VPS39: variants seen among roughly 807,000 people sequenced by gnomAD.
VPS39 encodes the protein vam6/Vps39-like protein.
VPS39 carries 70 observed loss-of-function variants against 121.0 expected under a neutral mutation model. That is an observed-to-expected ratio of 0.58 (90% CI 0.48 to 0.71). The LOEUF (loss-of-function observed/expected upper bound fraction) is 0.71. VPS39 is among the 30% of genes least tolerant of loss of function. The pLI, the probability that VPS39 is intolerant of heterozygous loss-of-function variation, is 0.00. For synonymous variants in VPS39, 378 were observed against 398.1 expected (o/e 0.95, Z 0.60); for missense variants, 818 against 1,051.5 (o/e 0.78, Z 3.07).
At chr15:42,185,332 C>G (rs978758697) in intron 7 of VPS39, among the ~76,000 whole-genome samples, 2 of 152,044 alleles carry the variant, frequency 1.3e-5, no homozygotes, top group African/African-American at 4.8e-5. Flanking sequence ...GCGTGTGCCA[C>G]CACGCCAGGC....
rs1361292559 is a variant in VPS39 at position 42,191,511 on chromosome 15, G to A, written c.189C>T (p.Ser63=). 3 of 1,613,870 alleles carry A rather than the reference G, an allele frequency of 1.9e-6. No homozygotes were observed. The highest frequency in any genetic ancestry group is 2.5e-6 in the Non-Finnish European group (3 of 1,179,976). ...CACTGCTTACCTGCTGAATCTTTTT[G>A]GAGAAGTTCTTATTGGATTTCTCTA... ...VTLEKSNKNF[S]KKIQQIHVVS... The change falls in exon 3 of 25, where the codon TCC becomes TCT. Residue 63 remains serine, a synonymous_variant. Transcript: ENST00000318006.
intron 1 of VPS39, among the ~76,000 whole-genome samples, chr15:42,205,073 T>C (rs1226498728): frequency 6.6e-6 from 1 of 152,148 alleles, no homozygotes; most frequent in African/African-American, 2.4e-5. Context: ...CTAATACAGA[T>C]TAGCATTTAA....
intron 4 of VPS39, among the ~76,000 whole-genome samples, chr15:42,189,685 C>T (rs1228356057): frequency 1.4e-5 from 2 of 142,174 alleles, no homozygotes; most frequent in South Asian, 2.2e-4. Flanking sequence ...GCCAGGGCTG[C>T]ACCACTACAC....
chr15:42,168,779 G>GAT (rs1261738804), intron 12 of VPS39, among the ~76,000 whole-genome samples: 1 of 152,094 alleles, frequency 6.6e-6, no homozygotes, highest in African/African-American at 2.4e-5. Flanking sequence ...CCTGACCTCA[G>GAT]GTGATCTTCT....
intron 5 of VPS39, among the ~76,000 whole-genome samples, chr15:42,188,671 A>T (rs553561717): frequency 6.6e-6 from 1 of 152,310 alleles, no homozygotes; most frequent in East Asian, 1.9e-4. Flanking sequence ...CTCTAATACA[A>T]TTAAATATTC....
intron 5 of VPS39, among the ~76,000 whole-genome samples, chr15:42,188,384 T>C (rs192626569): frequency 3.9e-4 from 59 of 152,290 alleles, no homozygotes; most frequent in Admixed American, 1.0e-3. Flanking sequence ...AAAAGAATGA[T>C]AAATTGGCAA....
intron 11 of VPS39, among the ~76,000 whole-genome samples, chr15:42,171,924 G>A (rs1357092649): frequency 1.3e-5 from 2 of 152,062 alleles, no homozygotes; most frequent in Admixed American, 1.3e-4. Flanking sequence ...AAGCAGAGGG[G>A]AGCCAAACCT....
At chr15:42,190,020 G>A (rs1679001) in intron 4 of VPS39, among the ~76,000 whole-genome samples, 22,377 of 151,554 alleles carry the variant, frequency 0.15, 2,211 homozygotes, top group African/African-American at 0.26. Context: ...TCCCTGTGTT[G>A]CCCAGGCTGG....
intron 7 of VPS39, among the ~76,000 whole-genome samples, chr15:42,185,197 T>TG (rs1338487599): frequency 6.6e-6 from 1 of 150,612 alleles, no homozygotes; most frequent in Admixed American, 6.6e-5. Flanking sequence ...TTTTTTTTTT[T>TG]GGAGACAGTC....
At chr15:42,197,337 GA>G (rs1260419920) in intron 2 of VPS39, among the ~76,000 whole-genome samples, 2 of 128,128 alleles carry the variant, frequency 1.6e-5, no homozygotes, top group South Asian at 4.8e-4. Context: ...AAAAAGAGTG[GA>G]AAAAAAAACC....
chr15:42,200,279 A>T (rs2050039716), intron 1 of VPS39, among the ~76,000 whole-genome samples: 2 of 152,172 alleles, frequency 1.3e-5, no homozygotes, highest in African/African-American at 4.8e-5. Context: ...TATTTTTAAG[A>T]TTAAATTATT....
rs2049248989 is a variant in VPS39 at position 42,166,660 on chromosome 15, A to C, written c.1520-11T>G. The C allele has an allele frequency of 6.2e-7, 1 of 1,614,028 alleles. No individual in the cohort carries two copies. Among genetic ancestry groups the C allele is most frequent in the Non-Finnish European group, 8.5e-7 (1 of 1,180,030 alleles). ...CGAGCACCTGCAGAGCTGGCCACCA[A>C]GCCCAAGAACAAGGTCATGAGCCTT... On this transcript the variant is annotated splice_polypyrimidine_tract_variant and intron_variant, in intron 14 of 24. Coordinates refer to ENST00000318006, the MANE Select transcript of VPS39 (RefSeq NM_015289.5).
intron 1 of VPS39, among the ~76,000 whole-genome samples, chr15:42,201,356 T>C (rs1220362381): frequency 6.6e-6 from 1 of 151,994 alleles, no homozygotes; most frequent in Non-Finnish European, 1.5e-5. Flanking sequence ...TTAAAAAATG[T>C]TTATAGAGAT....
chr15:42,177,675 T>G (rs1380755435), intron 10 of VPS39, among the ~76,000 whole-genome samples: 3 of 152,092 alleles, frequency 2.0e-5, no homozygotes, highest in African/African-American at 4.8e-5. Context: ...AATTTTTTTT[T>G]TTGTTTTTTG....
chr15:42,189,765 TA>T (rs2049783917), intron 4 of VPS39, among the ~76,000 whole-genome samples: 1 of 131,282 alleles, frequency 7.6e-6, no homozygotes, highest in Admixed American at 7.9e-5. Context: ...CTGACTTGAG[TA>T]AAAGAGATCT....
intron 2 of VPS39, among the ~76,000 whole-genome samples, chr15:42,195,997 A>G (rs1457487634): frequency 6.6e-6 from 1 of 152,220 alleles, no homozygotes; most frequent in Non-Finnish European, 1.5e-5. Flanking sequence ...AACAGAACAG[A>G]GGCCTCAAAA....
chr15:42,163,372 C>A lies in VPS39; in HGVS notation c.2153G>T (p.Arg718Leu). ...AEEYCHKHYD[R>L]NKDGNKDVYL... ...CACATCTTTGTTGCCATCTTTGTTT[C>A]GGTCATAGTGTTTGTGGCAGTACCT... is the stretch of plus-strand genomic sequence containing the variant. The change falls in exon 21 of 25, where the codon CGA becomes CTA. Residue 718 changes from arginine to leucine, a missense_variant. Physicochemically the swap from Arg to Leu is moderately radical, Grantham distance 102. Transcript: ENST00000318006. 1.9e-6 allele frequency: 3 copies of A among 1,614,142 alleles called. No individual in the cohort carries two copies. Among genetic ancestry groups the A allele is most frequent in the Non-Finnish European group, 2.5e-6 (3 of 1,180,024 alleles).
chr15:42,161,850 GTCCTCTT>G, intron 23 of VPS39, 77 bp from the exon 24 acceptor site: 2 of 1,591,718 alleles, frequency 1.3e-6, no homozygotes, highest in Non-Finnish European at 8.6e-7. Context: ...CAGCAACTGT[GTCCTCTT>G]TCAGTCGTCA....
intron 1 of VPS39, among the ~76,000 whole-genome samples, chr15:42,203,227 G>T (rs527291668): frequency 6.6e-6 from 1 of 152,088 alleles, no homozygotes; most frequent in East Asian, 1.9e-4. Context: ...CCAGCACTTT[G>T]GAAGGCCAAG....
Sources: allele counts gnomAD v4.1 joint callset (sites outside exome capture counted in the v4.1 genomes callset), GRCh38; gene constraint gnomAD v4.1.1; transcripts MANE v1.5; gene names NCBI Gene and HGNC (gene_info 2026-07-23, HGNC 2026-07-21).